PCDHGA1: variants seen among roughly 807,000 people sequenced by gnomAD.
The protein encoded by PCDHGA1 is protocadherin gamma-A1.
A neutral mutation model predicts 58.0 loss-of-function variants in PCDHGA1; 32 were observed. That is an observed-to-expected ratio of 0.55 (90% CI 0.42 to 0.74). PCDHGA1 has a LOEUF of 0.74. Among genes scored for constraint, PCDHGA1 ranks in the 30% least tolerant of loss-of-function variants. PCDHGA1 has a pLI of 0.00. For synonymous variants in PCDHGA1, 498 were observed against 501.1 expected, an observed-to-expected ratio of 0.99 and a Z score of 0.08; for missense variants, 1,205 against 1,182.3, an observed-to-expected ratio of 1.02 and a Z score of -0.28.
intron 2 of PCDHGA1, among the ~76,000 whole-genome samples, chr5:141,497,158 T>A (rs2099774560): frequency 6.6e-6 from 1 of 151,860 alleles, no homozygotes; most frequent in African/African-American, 2.4e-5. Flanking sequence ...AAAAATAATC[T>A]AGCCACAAAT....
intron 3 of PCDHGA1, among the ~76,000 whole-genome samples, chr5:141,506,444 CAAAAAAAAAA>C (rs1219684339): frequency 8.4e-5 from 8 of 95,030 alleles, no homozygotes; most frequent in Non-Finnish European, 1.3e-4. Context: ...CGCTCTGTCT[CAAAAAAAAAA>C]AAAAAAAAAA....
rs1477534800 is a variant in PCDHGA1, at chr5:141,404,988, A to G, written c.2421+71883A>G. The G allele has an allele frequency of 5.0e-6, 8 of 1,613,868 alleles. 1 individual carries two copies. The South Asian group carries it at 7.7e-5, about 16-fold the overall frequency. On this transcript the variant is annotated intron_variant, in intron 1 of 3. Coordinates refer to ENST00000517417, the MANE Select transcript of PCDHGA1 (RefSeq NM_018912.3). ...ATCCTGGCTGACCTGGGCAGTCTTCAGATCCCTGCAGACCTGGAGGCCTCA... is the reference window on the plus strand; with the variant it reads ...ATCCTGGCTGACCTGGGCAGTCTTCGGATCCCTGCAGACCTGGAGGCCTCA...
Position 141,486,344 on chromosome 5 carries a change from G to C in PCDHGA1, c.2422-8463G>C. 6.2e-7 allele frequency: 1 copy of C among 1,614,062 alleles called. No homozygotes were observed. The highest frequency in any genetic ancestry group is 8.5e-7 in the Non-Finnish European group (1 of 1,180,022). On this transcript the variant is annotated intron_variant, in intron 1 of 3. Transcript: ENST00000517417. The surrounding 1 kb of genome is among the most constrained non-coding windows in gnomAD (Gnocchi z 5.0). Reference sequence around the variant, plus strand: ...CGGAGATGTGAGCCTCCGCATTCCTGACCACTTGCCATTTGCCCTCAAGTC... The same window carrying C: ...CGGAGATGTGAGCCTCCGCATTCCTCACCACTTGCCATTTGCCCTCAAGTC...
chr5:141,362,269 T>C, intron 1 of PCDHGA1: 2 of 1,614,034 alleles, frequency 1.2e-6, no homozygotes, highest in Non-Finnish European at 1.7e-6. Context: ...TCTGGCAATC[T>C]CCCTGCGCCT....
Position 141,375,159 on chromosome 5 carries a change from G to A in PCDHGA1, c.2421+42054G>A, listed in dbSNP as rs1771191060. 2.5e-6 allele frequency: 4 copies of A among 1,613,862 alleles called. No individual in the cohort carries two copies. The East Asian group carries it at 8.9e-5, about 36-fold the overall frequency. ...TCTGGAAGCAGAACAATTGCTGAAA[G>A]TGCACCTCCAGGAACAGTAATCGCC... On this transcript the variant is annotated intron_variant, in intron 1 of 3. Coordinates refer to ENST00000517417, the MANE Select transcript of PCDHGA1 (RefSeq NM_018912.3).
At chr5:141,396,767 G>C (rs900685366) in intron 1 of PCDHGA1, 1 of 152,220 alleles carries the variant, frequency 6.6e-6, no homozygotes, top group African/African-American at 2.4e-5. Context: ...ATAAATGTTT[G>C]TTATTAATGA....
intron 1 of PCDHGA1, chr5:141,410,094 C>A: frequency 6.2e-7 from 1 of 1,612,646 alleles, no homozygotes; most frequent in South Asian, 1.1e-5. Context: ...ACGGCTCGAG[C>A]CTTAGGCGAC....
At chr5:141,401,129 G>A (rs1327832164) in intron 1 of PCDHGA1, among the ~76,000 whole-genome samples, 3 of 152,168 alleles carry the variant, frequency 2.0e-5, no homozygotes, top group African/African-American at 7.2e-5. Context: ...GGATCACATG[G>A]TCAGGAGTTC....
rs1212381177 is a variant in PCDHGA1 at position 141,438,571 on chromosome 5, TATAC to T, written c.2422-56216_2422-56213del. ...GCCCTAATAAGAGGCAGCTGTCTGATATACATACATACATACATACATATATATA... is the reference window on the plus strand; with the variant it reads ...GCCCTAATAAGAGGCAGCTGTCTGATATACATACATACATACATATATATA... On this transcript the variant is annotated intron_variant, in intron 1 of 3. Transcript: ENST00000517417. 9.4e-4 allele frequency among the ~76,000 whole-genome samples: 89 copies of T among 94,500 alleles called. 1 individual carries two copies. The highest frequency in any genetic ancestry group is 1.8e-3 in the African/African-American group (37 of 20,720). The allele number at this position is 94,500 out of a possible 152,430, so 62.0% of individuals were successfully genotyped here.
At chr5:141,504,671 G>C (rs1459848730) in intron 2 of PCDHGA1, among the ~76,000 whole-genome samples, 1 of 111,068 alleles carries the variant, frequency 9.0e-6, no homozygotes, top group East Asian at 3.2e-4. Context: ...GGGGGGTGGG[G>C]GTTCTTGTAA....
At chr5:141,507,798 GCCCT>G (rs2099863561) in intron 3 of PCDHGA1, among the ~76,000 whole-genome samples, 1 of 152,188 alleles carries the variant, frequency 6.6e-6, no homozygotes, top group Admixed American at 6.5e-5. Context: ...CTAAGCCTGC[GCCCT>G]GGGGAACGGA....
chr5:141,403,595 T>G (rs2094430008), intron 1 of PCDHGA1: 1 of 1,613,824 alleles, frequency 6.2e-7, no homozygotes, highest in East Asian at 2.2e-5. Flanking sequence ...CCTCACGGCC[T>G]CGGATGGCGG....
At chr5:141,362,197 C>G in intron 1 of PCDHGA1, 1 of 1,614,082 alleles carries the variant, frequency 6.2e-7, no homozygotes, top group Admixed American at 1.7e-5. Context: ...CCAGGCAAAA[C>G]TGCAGTTTTA....
Position 141,431,451 on chromosome 5 carries a change from T to C in PCDHGA1, c.2422-63356T>C. On this transcript the variant is annotated intron_variant, in intron 1 of 3. Transcript: ENST00000517417. The surrounding 1 kb of genome is among the most constrained non-coding windows in gnomAD (Gnocchi z 4.8). ...ACAGGCACCGCGCGCATCCGCGTGA[T>C]GGTTCTGGATGCGAACGACAACGCA... The C allele has an allele frequency of 6.2e-7, 1 of 1,613,762 alleles. No individual in the cohort carries two copies. Among genetic ancestry groups the C allele is most frequent in the African/African-American group, 1.3e-5 (1 of 75,072 alleles).
intron 1 of PCDHGA1, among the ~76,000 whole-genome samples, chr5:141,401,910 T>A (rs562648950): frequency 2.1e-4 from 32 of 152,336 alleles, no homozygotes; most frequent in African/African-American, 5.3e-4. Flanking sequence ...AATTATTATA[T>A]AAGTTTAAGT....
At chr5:141,453,786 A>G (rs2098774297) in intron 1 of PCDHGA1, among the ~76,000 whole-genome samples, 1 of 152,252 alleles carries the variant, frequency 6.6e-6, no homozygotes, top group Non-Finnish European at 1.5e-5. Flanking sequence ...TTACCATGGT[A>G]TATTAACTTT....
At chr5:141,502,534 C>T (rs565889110) in intron 2 of PCDHGA1, among the ~76,000 whole-genome samples, 10 of 152,074 alleles carry the variant, frequency 6.6e-5, no homozygotes, top group Non-Finnish European at 1.0e-4. Context: ...CGAGTTTGTT[C>T]GTGTGGTAAA....
chr5:141,422,836 G>A, intron 1 of PCDHGA1: 1 of 1,614,250 alleles, frequency 6.2e-7, no homozygotes, highest in Middle Eastern at 1.6e-4. Flanking sequence ...GATAGCACGT[G>A]ACAGCGGGGA....
In PCDHGA1 at chr5:141,330,870, C is replaced by T. The variant is rs751478953; in HGVS notation, c.186C>T (p.Gly62=). The T allele has an allele frequency of 3.2e-5, 52 of 1,614,058 alleles. No individual in the cohort carries two copies. Among genetic ancestry groups the T allele is most frequent in the South Asian group, 5.5e-5 (5 of 91,090 alleles). Residue 62 remains glycine (G), a synonymous_variant, in exon 1 of 4, where the codon GGC becomes GGT. Coordinates refer to ENST00000517417, the MANE Select transcript of PCDHGA1 (RefSeq NM_018912.3). ...TGCAACCCCAGGAGCTGGCAGATGG[C>T]GGAGTCCGCATCGTCTCCAGAGGTA... is the stretch of plus-strand genomic sequence containing the variant. ...LGLQPQELAD[G]GVRIVSRGRM...
Sources: allele counts gnomAD v4.1 joint callset (sites outside exome capture counted in the v4.1 genomes callset), GRCh38; gene constraint gnomAD v4.1.1; non-coding constraint Gnocchi (gnomAD v3.1); transcripts MANE v1.5; gene names NCBI Gene and HGNC (gene_info 2026-07-23, HGNC 2026-07-21).